SLC6A18: variants seen among roughly 807,000 people sequenced by gnomAD.
SLC6A18 encodes solute carrier family 6 member 18, also known as inactive sodium-dependent neutral amino acid transporter B(0)AT3.
In SLC6A18, 58 loss-of-function variants were observed where a neutral mutation model predicts 62.9. The ratio of observed to expected loss-of-function variants is 0.92; its 90% CI spans 0.75 to 1.15. The LOEUF (loss-of-function observed/expected upper bound fraction) is 1.15. Among genes scored for constraint, SLC6A18 ranks in the 50% most tolerant of loss-of-function variants. SLC6A18 has a pLI of 0.00. For synonymous variants in SLC6A18, 382 were observed against 365.8 expected (o/e 1.04, Z -0.51); for missense variants, 793 against 836.6 (o/e 0.95, Z 0.64).
chr5:1,244,727 TC>T lies in SLC6A18; in HGVS notation c.1617del (p.Trp540GlyfsTer4), dbSNP rs751539767. Reference protein sequence around the residue: ...TIFVAYIILLFWKPLRYKAWN... With the variant: ...TIFVAYIILLXWKPLRYKAWN... ...TTTGTGGCTTACATCATCCTCCTGT[TC>T]TGGAAGCCACTGAGATACAAGGCCT... On this transcript the variant is annotated frameshift_variant, in exon 11 of 12. Coordinates refer to ENST00000324642, the MANE Select transcript of SLC6A18 (RefSeq NM_182632.3). LOFTEE classifies it low-confidence loss of function (END_TRUNC). 26 of 1,611,844 alleles carry T rather than the reference TC, an allele frequency of 1.6e-5. No individual in the cohort carries two copies. The highest frequency in any genetic ancestry group is 2.7e-5 in the African/African-American group (2 of 75,020).
intron 4 of SLC6A18, among the ~76,000 whole-genome samples, chr5:1,236,911 C>A (rs767931355): frequency 6.6e-6 from 1 of 152,012 alleles, no homozygotes; most frequent in African/African-American, 2.4e-5. Context: ...GCCAGAAATT[C>A]CAAATAATCC....
chr5:1,226,948 C>A (rs1053595652), intron 1 of SLC6A18, among the ~76,000 whole-genome samples: 7 of 150,182 alleles, frequency 4.7e-5, no homozygotes, highest in African/African-American at 1.7e-4. Flanking sequence ...CCTGCTGATG[C>A]CTTGCCCAAC....
Position 1,241,899 on chromosome 5 carries a change from C to T in SLC6A18, c.975-808C>T, listed in dbSNP as rs975947418. Among the ~76,000 whole-genome samples the T allele has an allele frequency of 1.3e-5, 2 of 152,226 alleles. No homozygotes were observed. The highest frequency in any genetic ancestry group is 2.9e-5 in the Non-Finnish European group (2 of 68,044). On this transcript the variant is annotated intron_variant, in intron 7 of 11. Transcript: ENST00000324642. This position sits in a 1 kb window ranked among gnomAD's most constrained non-coding sequence, Gnocchi z 7.8. The stretch of plus-strand genomic sequence containing the variant: ...TGCGCCGTGCAGCCCAAGCTGGCCT[C>T]GTGTGCCACATGGGGCTAGAAGTGA...
At position 1,226,901 on chromosome 5, in the gene SLC6A18, C is replaced by CG. The variant is rs576095991; in HGVS notation, c.160+1265dup. On this transcript the variant is annotated intron_variant, in intron 1 of 11. Coordinates refer to ENST00000324642, the MANE Select transcript of SLC6A18 (RefSeq NM_182632.3). ...TGCCGGCCAACGCTTTACCCACCAA[C>CG]GCCTTGTTCGCCAATGCCTTGCCCA... 1.7e-4 allele frequency among the ~76,000 whole-genome samples: 26 copies of CG among 152,280 alleles called. 1 individual carries two copies. In the East Asian group the frequency reaches 5.0e-3, roughly 29 times the overall value.
At chr5:1,238,301 T>C (rs1286203015) in intron 5 of SLC6A18, among the ~76,000 whole-genome samples, 5 of 134,512 alleles carry the variant, frequency 3.7e-5, no homozygotes, top group Admixed American at 1.4e-4. Context: ...GGAGTGGGCC[T>C]GGAGGACTCA....
chr5:1,240,461 T>A, intron 6 of SLC6A18, 70 bp from the exon 7 acceptor site: 1 of 1,594,726 alleles, frequency 6.3e-7, no homozygotes, highest in Non-Finnish European at 8.6e-7. Flanking sequence ...AGCCCCCTCC[T>A]CACTTCCTCC....
rs368251762 is a variant in SLC6A18 at position 1,240,551 on chromosome 5, C to T, written c.866C>T (p.Ala289Val). The change falls in exon 7 of 12, where the codon GCG becomes GTG. Residue 289 changes from alanine (A) to valine (V), a missense_variant. Transcript: ENST00000324642. ...CCCAGGAATGACTGCCAGAAGGATG[C>T]GGTGGTCATCGCCCTGGTCAACAGG... ...NSPRNDCQKD[A>V]VVIALVNRMT... 34 of 1,613,974 alleles carry T rather than the reference C, an allele frequency of 2.1e-5. No individual in the cohort carries two copies. The highest frequency in any genetic ancestry group is 1.6e-4 in the Middle Eastern group (1 of 6,084).
Position 1,244,673 on chromosome 5 carries a change from G to C in SLC6A18, c.1562G>C (p.Arg521Thr). ...RPSPYWRLTWRVVSPLLLTIF... is the reference protein window; with the variant it reads ...RPSPYWRLTWTVVSPLLLTIF... Reference sequence around the variant, plus strand: ...AGCCCCTACTGGCGGCTGACCTGGAGGGTGGTCAGTCCCCTGCTGCTGACC... The same window carrying C: ...AGCCCCTACTGGCGGCTGACCTGGACGGTGGTCAGTCCCCTGCTGCTGACC... Residue 521 changes from arginine to threonine, a missense_variant, in exon 11 of 12, where the codon AGG becomes ACG. Physicochemically the swap from Arg to Thr is moderately conservative, Grantham distance 71. Transcript: ENST00000324642. The C allele has an allele frequency of 2.5e-6, 4 of 1,612,636 alleles. No homozygotes were observed. Among genetic ancestry groups the C allele is most frequent in the Middle Eastern group, 1.7e-4 (1 of 6,052 alleles).
intron 4 of SLC6A18, 32 bp from the exon 5 acceptor site, chr5:1,237,918 T>C: frequency 6.4e-7 from 1 of 1,564,596 alleles, no homozygotes; most frequent in East Asian, 2.2e-5. Flanking sequence ...AGAGGCCATT[T>C]CAAGTCTCAT....
chr5:1,228,173 T>C (rs1011082183), intron 1 of SLC6A18, among the ~76,000 whole-genome samples: 16 of 152,336 alleles, frequency 1.1e-4, no homozygotes, highest in Admixed American at 5.2e-4. Context: ...CTCTGAGCTT[T>C]ACACCAGGTT....
chr5:1,235,581 G>C lies in SLC6A18; in HGVS notation c.540G>C (p.Gln180His), dbSNP rs1746862407. 1 of 1,613,950 alleles carries C rather than the reference G, an allele frequency of 6.2e-7. No homozygotes were observed. The highest frequency in any genetic ancestry group is 1.7e-5 in the Admixed American group (1 of 60,012). Residue 180 changes from glutamine (Q) to histidine (H), a missense_variant, in exon 4 of 12, where the codon CAG becomes CAC. Physicochemically the swap from Gln to His is conservative, Grantham distance 24. Transcript: ENST00000324642. Reference sequence around the variant, plus strand: ...ACATCAATGACAGTGGCTCCATCCAGTGGTGGCTGCTCATCTGCTTGGCAG... The same window carrying C: ...ACATCAATGACAGTGGCTCCATCCACTGGTGGCTGCTCATCTGCTTGGCAG... ...TADINDSGSIQWWLLICLAAS... is the reference protein window; with the variant it reads ...TADINDSGSIHWWLLICLAAS...
At chr5:1,232,076 G>C (rs1346738734) in intron 1 of SLC6A18, 143 bp from the exon 2 acceptor site, 2 of 714,622 alleles carry the variant, frequency 2.8e-6, no homozygotes, top group Non-Finnish European at 4.7e-6. Context: ...AGTGCCCCAA[G>C]GGTGTCTCCA....
chr5:1,228,142 T>C (rs1262696752), intron 1 of SLC6A18, among the ~76,000 whole-genome samples: 1 of 152,212 alleles, frequency 6.6e-6, no homozygotes, highest in African/African-American at 2.4e-5. Flanking sequence ...TTCTTTGAAC[T>C]TTTGCCAGCT....
chr5:1,238,307 A>AGGACTTCGGT (rs1746946976), intron 5 of SLC6A18, among the ~76,000 whole-genome samples: 1 of 107,948 alleles, frequency 9.3e-6, no homozygotes, highest in African/African-American at 3.7e-5. Context: ...GGCCTGGAGG[A>AGGACTTCGGT]CTCAGGAAAG....
At chr5:1,244,522 G>T in intron 10 of SLC6A18, 86 bp from the exon 11 acceptor site, 2 of 1,547,806 alleles carry the variant, frequency 1.3e-6, no homozygotes, top group Non-Finnish European at 1.7e-6. Flanking sequence ...GGTGCAGGTT[G>T]GACCCCAGTT....
At chr5:1,227,009 G>T (rs1210973482) in intron 1 of SLC6A18, among the ~76,000 whole-genome samples, 1 of 138,966 alleles carries the variant, frequency 7.2e-6, no homozygotes, top group Non-Finnish European at 1.6e-5. Context: ...CCGATGCCTT[G>T]CCCGCCGACG....
chr5:1,233,328 A>G (rs1746785966), intron 3 of SLC6A18, among the ~76,000 whole-genome samples: 1 of 152,110 alleles, frequency 6.6e-6, no homozygotes, highest in Non-Finnish European at 1.5e-5. Flanking sequence ...AAATACAAAA[A>G]TCAGCCAGGC....
At chr5:1,234,038 G>A (rs1422027264) in intron 3 of SLC6A18, among the ~76,000 whole-genome samples, 1 of 152,052 alleles carries the variant, frequency 6.6e-6, no homozygotes, top group African/African-American at 2.4e-5. Flanking sequence ...ACCGCGCCCG[G>A]CCAGCACCCA....
At chr5:1,234,827 T>A (rs1218104830) in intron 3 of SLC6A18, among the ~76,000 whole-genome samples, 1 of 152,168 alleles carries the variant, frequency 6.6e-6, no homozygotes, top group African/African-American at 2.4e-5. Context: ...AAGGACAGTG[T>A]GGAGGGAGGA....
Sources: allele counts gnomAD v4.1 joint callset (sites outside exome capture counted in the v4.1 genomes callset), GRCh38; gene constraint gnomAD v4.1.1; non-coding constraint Gnocchi (gnomAD v3.1); transcripts MANE v1.5; gene names NCBI Gene and HGNC (gene_info 2026-07-23, HGNC 2026-07-21).